The following CGGBP1 variants were observed in gnomAD, a reference collection of about 807,000 sequenced individuals.
CGGBP1 encodes the protein CGG triplet repeat binding protein 1, also known as CGG triplet repeat-binding protein 1.
A neutral mutation model predicts 11.4 loss-of-function variants in CGGBP1; 4 were observed. The ratio of observed to expected loss-of-function variants is 0.35; its 90% confidence interval spans 0.17 to 0.80. The LOEUF is 0.80. CGGBP1 is among the 30% of genes least tolerant of loss of function. The pLI is 0.52. For synonymous variants in CGGBP1, 76 were observed against 74.1 expected (o/e 1.03, Z -0.13); for missense variants, 135 against 202.1 (o/e 0.67, Z 2.01).
At chr3:88,067,461 T>C (rs1228980383) in intron 2 of CGGBP1, among the ~76,000 whole-genome samples, 2 of 152,084 alleles carry the variant, frequency 1.3e-5, no homozygotes, top group East Asian at 3.9e-4. Flanking sequence ...TGAGCTCACA[T>C]AGGGAGAGAA....
intron 2 of CGGBP1, chr3:88,140,447 A>G: frequency 6.2e-7 from 1 of 1,613,658 alleles, no homozygotes; most frequent in Non-Finnish European, 8.5e-7. Context: ...AACCAAAGAC[A>G]TGTATAGAAA....
chr3:88,059,431 G>A (rs1232625275), upstream of CGGBP1: 1 of 1,525,934 alleles, frequency 6.6e-7, no homozygotes, highest in South Asian at 1.2e-5. Context: ...CGACGGCAGA[G>A]GCGGCGCTGG....
chr3:88,136,774 T>A (rs1486323781), intron 2 of CGGBP1, among the ~76,000 whole-genome samples: 3 of 152,154 alleles, frequency 2.0e-5, no homozygotes, highest in Non-Finnish European at 4.4e-5. Flanking sequence ...TTGAACAAAT[T>A]GAAAATTCAT....
intron 2 of CGGBP1, chr3:88,140,379 G>A (rs548146174): frequency 6.2e-7 from 1 of 1,613,042 alleles, no homozygotes; most frequent in South Asian, 1.1e-5. Flanking sequence ...ATCTAGTAAT[G>A]AGAAACAAAC....
intron 2 of CGGBP1, among the ~76,000 whole-genome samples, chr3:88,112,491 G>A (rs1705152964): frequency 6.7e-6 from 1 of 148,852 alleles, no homozygotes; most frequent in Non-Finnish European, 1.5e-5. Context: ...AAAGTATTTA[G>A]TAACAGTATT....
chr3:88,059,067 T>G, upstream of CGGBP1: 1 of 678,346 alleles, frequency 1.5e-6, no homozygotes, highest in Non-Finnish European at 2.3e-6. Flanking sequence ...GACGGCCGGT[T>G]TATCAAACAG....
chr3:88,102,441 T>G (rs1704481754), intron 2 of CGGBP1, among the ~76,000 whole-genome samples: 1 of 152,236 alleles, frequency 6.6e-6, no homozygotes, highest in Admixed American at 6.5e-5. Flanking sequence ...AAATTTGCTG[T>G]TAATCCCATA....
intron 2 of CGGBP1, among the ~76,000 whole-genome samples, chr3:88,090,518 A>G (rs1708575299): frequency 6.6e-6 from 1 of 151,840 alleles, no homozygotes; most frequent in Non-Finnish European, 1.5e-5. Flanking sequence ...TCAAAAAGTT[A>G]AAAGTAAAAA....
At chr3:88,095,383 G>A (rs1436664252) in intron 2 of CGGBP1, 9 of 328,850 alleles carry the variant, frequency 2.7e-5, no homozygotes, top group Non-Finnish European at 5.2e-5. Flanking sequence ...TATGTACTAA[G>A]AGAAGTGACA....
At chr3:88,059,220 G>A, upstream of CGGBP1, 11 of 1,489,646 alleles carry the variant, frequency 7.4e-6, no homozygotes, top group African/African-American at 1.4e-5. Flanking sequence ...TAGGGAGGAG[G>A]GAAGGGGGAG....
intron 2 of CGGBP1, among the ~76,000 whole-genome samples, chr3:88,121,892 T>C (rs1273760020): frequency 6.6e-6 from 1 of 152,202 alleles, no homozygotes; most frequent in Non-Finnish European, 1.5e-5. Context: ...GACTCCATAG[T>C]GCTTCCATTT....
upstream of CGGBP1, among the ~76,000 whole-genome samples, chr3:88,062,077 TTAA>T (rs1213784157): frequency 8.5e-5 from 13 of 152,320 alleles, no homozygotes; most frequent in African/African-American, 3.1e-4. Context: ...AGATACAGTG[TTAA>T]TAATATTGGA....
chr3:88,073,756 TAAA>T (rs34990621), intron 2 of CGGBP1, among the ~76,000 whole-genome samples: 1 of 152,122 alleles, frequency 6.6e-6, no homozygotes, highest in Non-Finnish European at 1.5e-5. Context: ...GCATTCTTCT[TAAA>T]AAAAGGAAGA....
chr3:88,059,494 C>A, upstream of CGGBP1: 18 of 1,495,036 alleles, frequency 1.2e-5, no homozygotes, highest in Non-Finnish European at 1.6e-5. Context: ...TTACTGCCGA[C>A]GCTTCTGTCA....
chr3:88,086,639 C>T (rs1708348727), intron 2 of CGGBP1, among the ~76,000 whole-genome samples: 1 of 152,124 alleles, frequency 6.6e-6, no homozygotes, highest in Non-Finnish European at 1.5e-5. Flanking sequence ...ACTACAAGCA[C>T]TTTACTTTCC....
chr3:88,141,093 A>G (rs760824712), intron 1 of CGGBP1: 1 of 1,527,008 alleles, frequency 6.5e-7, no homozygotes, highest in South Asian at 1.3e-5. Flanking sequence ...AGAAAGAGAA[A>G]ATGGCATAAA....
chr3:88,128,789 C>T, intron 2 of CGGBP1: 1 of 1,489,480 alleles, frequency 6.7e-7, no homozygotes, highest in East Asian at 2.5e-5. Context: ...GTAATAGAGT[C>T]TGTTTTCTTT....
intron 2 of CGGBP1, chr3:88,129,056 C>CA (rs753725595): frequency 1.2e-3 from 1,531 of 1,279,658 alleles, no homozygotes; most frequent in Admixed American, 2.1e-3. Context: ...TTAACCCTAC[C>CA]AAAAAAAAAC....
intron 2 of CGGBP1, among the ~76,000 whole-genome samples, chr3:88,074,377 T>C (rs2107624109): frequency 6.6e-6 from 1 of 151,758 alleles, no homozygotes; most frequent in South Asian, 2.1e-4. Context: ...AGTCTTGCTT[T>C]ATCGCCCAGG....
Sources: gnomAD v4.1 joint callset for allele counts (sites outside exome capture counted in the v4.1 genomes callset) on GRCh38, gnomAD v4.1.1 for gene constraint, MANE v1.5 for transcripts, NCBI Gene and HGNC (gene_info 2026-07-23, HGNC 2026-07-21) for gene names.